TMEM209: variants seen among roughly 807,000 people sequenced by gnomAD.
TMEM209 encodes testicular tissue protein Li 202.
Under a neutral mutation model 76.2 loss-of-function variants are expected in TMEM209, and 65 were observed. The observed-to-expected ratio is 0.85, with a 90% CI of 0.70 to 1.05. The LOEUF (loss-of-function observed/expected upper bound fraction) is 1.05, where lower values mean the gene tolerates loss of function less well. Among genes scored for constraint, TMEM209 ranks in the 50% least tolerant of loss-of-function variants. The pLI is 0.00. For missense variants in TMEM209, 623 were observed against 685.5 expected, an observed-to-expected ratio of 0.91 and a Z score of 1.02; for synonymous variants, 239 against 237.6, an observed-to-expected ratio of 1.01 and a Z score of -0.06.
chr7:130,195,714 G>GT (rs1449099349), intron 5 of TMEM209, among the ~76,000 whole-genome samples: 1 of 151,074 alleles, frequency 6.6e-6, no homozygotes, highest in Admixed American at 6.6e-5. Context: ...TTGTTTTTAT[G>GT]TTTTTTCGGT....
At chr7:130,173,003 A>G (rs1797123470) in intron 13 of TMEM209, among the ~76,000 whole-genome samples, 1 of 151,020 alleles carries the variant, frequency 6.6e-6, no homozygotes, top group African/African-American at 2.4e-5. Context: ...TATCTCAAAA[A>G]AAAAAAAAAA....
chr7:130,174,989 AC>A (rs940832703), intron 11 of TMEM209, among the ~76,000 whole-genome samples: 4 of 152,218 alleles, frequency 2.6e-5, no homozygotes, highest in African/African-American at 9.6e-5. Context: ...TATGATAAAA[AC>A]ATTAAAAAAT....
chr7:130,175,425 G>C (rs1417875229), intron 11 of TMEM209, 87 bp downstream of exon 11: 21 of 1,256,900 alleles, frequency 1.7e-5, no homozygotes, highest in Non-Finnish European at 2.4e-5. Context: ...CTGTGCCACT[G>C]CACTACAGCC....
rs1458842577 is a variant in TMEM209, at chr7:130,166,617, T to G, written c.1632-112A>C. On this transcript the variant is annotated intron_variant, in intron 14 of 14. Transcript: ENST00000397622. ...CATGTTTAACTGATATTTAATGTGA[T>G]TCTGCAATGAATTATGTTATACATG... The G allele has an allele frequency of 3.7e-5, 22 of 589,416 alleles. No homozygotes were observed. In the East Asian group the frequency reaches 6.5e-4, roughly 18 times the overall value. 36.5% of individuals were successfully genotyped at this position (589,416 alleles called of 1,614,324 possible).
At chr7:130,190,058 C>T (rs1797740295) in intron 6 of TMEM209, among the ~76,000 whole-genome samples, 1 of 152,102 alleles carries the variant, frequency 6.6e-6, no homozygotes. Flanking sequence ...GAGAAGTCAG[C>T]TTACAGAGGA....
At chr7:130,201,668 T>C (rs1356309697) in intron 5 of TMEM209, 182 bp downstream of exon 5, 2 of 751,190 alleles carry the variant, frequency 2.7e-6, no homozygotes, top group Non-Finnish European at 4.1e-6. Flanking sequence ...ATGCTAATTT[T>C]TTCTCTTTCA....
rs184881645 is a variant in TMEM209 at position 130,167,537 on chromosome 7, C to T, written c.1632-1032G>A. Among the ~76,000 whole-genome samples, 23 of 152,178 alleles carry T rather than the reference C, an allele frequency of 1.5e-4. 1 individual carries two copies. Among genetic ancestry groups the T allele is most frequent in the Admixed American group, 1.5e-3 (23 of 15,294 alleles). On this transcript the variant is annotated intron_variant, in intron 14 of 14. Coordinates refer to ENST00000397622, the MANE Select transcript of TMEM209 (RefSeq NM_032842.4). ...AATCATATATGTTCTTTATATATAA[C>T]AAATATAAGCTTGGATTTGCTATAT...
intron 9 of TMEM209, among the ~76,000 whole-genome samples, chr7:130,179,915 A>G (rs575661004): frequency 1.3e-5 from 2 of 152,328 alleles, no homozygotes; most frequent in East Asian, 1.9e-4. Flanking sequence ...GTAGTGAGCC[A>G]TAATAGCACC....
intron 5 of TMEM209, among the ~76,000 whole-genome samples, chr7:130,196,523 ATGTC>A (rs1221003963): frequency 6.6e-6 from 1 of 152,156 alleles, no homozygotes; most frequent in Non-Finnish European, 1.5e-5. Context: ...TATAGACTGA[ATGTC>A]TGTGTCTTCC....
Position 130,175,572 on chromosome 7 carries a change from C to T in TMEM209, c.1284G>A (p.Trp428Ter), listed in dbSNP as rs1260861854. The T allele has an allele frequency of 1.2e-6, 2 of 1,613,162 alleles. No individual in the cohort carries two copies. The highest frequency in any genetic ancestry group is 2.2e-5 in the East Asian group (1 of 44,872). The change falls in exon 11 of 15, where the codon TGG (tryptophan) becomes TGA (stop). Residue 428 changes from tryptophan (W) to a stop codon, truncating the protein, a stop_gained. Transcript: ENST00000397622. LOFTEE classifies it high-confidence loss of function. ...SQGGCMSSFR[W>*]NRGGDFKGRK... is the part of the protein sequence containing the mutation. ...GTCCTTTGAAGTCGCCACCTCTGTT[C>T]CATCGAAATGAGCTCATACAACCTC...
intron 10 of TMEM209, among the ~76,000 whole-genome samples, chr7:130,176,104 T>C (rs1797227192): frequency 6.8e-6 from 1 of 146,102 alleles, no homozygotes; most frequent in Non-Finnish European, 1.5e-5. Context: ...CAAGACAGTG[T>C]TCACTGTATT....
chr7:130,188,537 A>G (rs1797685072), intron 6 of TMEM209, among the ~76,000 whole-genome samples: 1 of 146,938 alleles, frequency 6.8e-6, no homozygotes, highest in South Asian at 2.2e-4. Flanking sequence ...CGGAGCTTGC[A>G]GCGAGCCGAG....
At chr7:130,169,691 T>C (rs1797004758) in intron 14 of TMEM209, among the ~76,000 whole-genome samples, 1 of 151,896 alleles carries the variant, frequency 6.6e-6, no homozygotes, top group Non-Finnish European at 1.5e-5. Context: ...CGCATGCATA[T>C]CGGAAGTGGA....
At chr7:130,178,091 G>C (rs1465768627) in intron 10 of TMEM209, among the ~76,000 whole-genome samples, 1 of 152,042 alleles carries the variant, frequency 6.6e-6, no homozygotes, top group African/African-American at 2.4e-5. Flanking sequence ...GAAATATAAG[G>C]AAGAAACTTA....
intron 9 of TMEM209, among the ~76,000 whole-genome samples, chr7:130,180,190 G>C (rs949911845): frequency 3.3e-5 from 5 of 152,036 alleles, no homozygotes; most frequent in Non-Finnish European, 7.4e-5. Context: ...GCAGATAAGA[G>C]AGTTGAAAAT....
intron 6 of TMEM209, among the ~76,000 whole-genome samples, chr7:130,191,684 A>G (rs1276814326): frequency 6.6e-6 from 1 of 152,182 alleles, no homozygotes; most frequent in Non-Finnish European, 1.5e-5. Context: ...CACCAATAAC[A>G]CTTCCAAACA....
chr7:130,198,869 A>G (rs1178264047), intron 5 of TMEM209, among the ~76,000 whole-genome samples: 3 of 152,196 alleles, frequency 2.0e-5, no homozygotes, highest in African/African-American at 7.2e-5. Context: ...TCAAATAGAA[A>G]GGTACAATAT....
intron 6 of TMEM209, among the ~76,000 whole-genome samples, chr7:130,188,611 A>G (rs985154064): frequency 4.6e-5 from 7 of 151,394 alleles, no homozygotes; most frequent in African/African-American, 1.7e-4. Flanking sequence ...AAAAAAAAAA[A>G]AAAAAAAAAG....
chr7:130,166,543 C>T, intron 14 of TMEM209, 38 bp from the exon 15 acceptor site: 1 of 1,404,508 alleles, frequency 7.1e-7, no homozygotes, highest in South Asian at 1.4e-5. Flanking sequence ...GAATTGGTTG[C>T]CAAGCATTTA....
Sources: allele counts gnomAD v4.1 joint callset (sites outside exome capture counted in the v4.1 genomes callset), GRCh38; gene constraint gnomAD v4.1.1; transcripts MANE v1.5; gene names NCBI Gene and HGNC (gene_info 2026-07-23, HGNC 2026-07-21).